The following KCTD8 variants were observed in gnomAD, a reference collection of about 807,000 sequenced individuals.
The protein encoded by KCTD8 is potassium channel tetramerization domain containing 8, also known as BTB/POZ domain-containing protein KCTD8.
Under a neutral mutation model 31.5 loss-of-function variants are expected in KCTD8, and 27 were observed. That is an observed-to-expected ratio of 0.86 (90% CI 0.63 to 1.18). The LOEUF is 1.18. KCTD8 is among the 50% of genes most tolerant of loss of function. KCTD8 has a pLI of 0.00. For missense variants in KCTD8, 658 were observed against 647.7 expected (o/e 1.02, Z -0.17); for synonymous variants, 290 against 280.0 (o/e 1.04, Z -0.36).
At chr4:44,420,227 C>T (rs1370635726) in intron 1 of KCTD8, among the ~76,000 whole-genome samples, 1 of 151,700 alleles carries the variant, frequency 6.6e-6, no homozygotes, top group African/African-American at 2.4e-5. Flanking sequence ...TCACTCAAAA[C>T]TTTAAACAAA....
chr4:44,320,061 A>T (rs1718249456), intron 1 of KCTD8, among the ~76,000 whole-genome samples: 1 of 148,500 alleles, frequency 6.7e-6, no homozygotes, highest in Non-Finnish European at 1.5e-5. Context: ...AATTCCAGGT[A>T]CTTGGGAGGC....
At position 44,295,564 on chromosome 4, in the gene KCTD8, A is replaced by G. The variant is rs192034220; in HGVS notation, c.962-120314T>C. 4.6e-5 allele frequency among the ~76,000 whole-genome samples: 7 copies of G among 152,262 alleles called. No individual in the cohort carries two copies. In the East Asian group the frequency reaches 7.7e-4, roughly 17 times the overall value. ...ATTTTATTTGTACCTGAGTATATTT[A>G]TATTTCTTTAAAATTTGATAAGTAT... is the stretch of plus-strand genomic sequence containing the variant. On this transcript the variant is annotated intron_variant, in intron 1 of 1. Coordinates refer to ENST00000360029, the MANE Select transcript of KCTD8 (RefSeq NM_198353.3).
chr4:44,415,009 CA>C, intron 1 of KCTD8, among the ~76,000 whole-genome samples: 1 of 152,198 alleles, frequency 6.6e-6, no homozygotes, highest in African/African-American at 2.4e-5. Flanking sequence ...TGCTTGTGAC[CA>C]AAATGCTGAT....
At chr4:44,403,470 A>G (rs1457265548) in intron 1 of KCTD8, among the ~76,000 whole-genome samples, 1 of 150,998 alleles carries the variant, frequency 6.6e-6, no homozygotes, top group Non-Finnish European at 1.5e-5. Context: ...AACACCAAAA[A>G]TTTAATTTCT....
intron 1 of KCTD8, among the ~76,000 whole-genome samples, chr4:44,327,084 T>C (rs185078838): frequency 5.2e-4 from 79 of 152,030 alleles, no homozygotes; most frequent in Admixed American, 1.2e-3. Flanking sequence ...AGATACAGTT[T>C]TTAATTTGTG....
chr4:44,395,101 C>G (rs895482593), intron 1 of KCTD8, among the ~76,000 whole-genome samples: 1 of 152,096 alleles, frequency 6.6e-6, no homozygotes, highest in East Asian at 1.9e-4. Context: ...CAGAAGACTT[C>G]CTCCAATGGT....
chr4:44,303,081 G>T (rs568965945), intron 1 of KCTD8, among the ~76,000 whole-genome samples: 1 of 152,228 alleles, frequency 6.6e-6, no homozygotes, highest in East Asian at 1.9e-4. Context: ...ACTTGATCAG[G>T]GTGGATAAGC....
At chr4:44,379,005 T>C (rs538584509) in intron 1 of KCTD8, among the ~76,000 whole-genome samples, 1 of 152,282 alleles carries the variant, frequency 6.6e-6, no homozygotes, top group South Asian at 2.1e-4. Context: ...CAAAGCCAGC[T>C]GCAGAGCATC....
At chr4:44,299,727 A>C (rs1358385106) in intron 1 of KCTD8, among the ~76,000 whole-genome samples, 2 of 142,778 alleles carry the variant, frequency 1.4e-5, no homozygotes, top group Non-Finnish European at 3.0e-5. Flanking sequence ...ACTCCGTCTC[A>C]AAAAAAAAAA....
chr4:44,282,868 G>A (rs947577765), intron 1 of KCTD8, among the ~76,000 whole-genome samples: 1 of 152,052 alleles, frequency 6.6e-6, no homozygotes, highest in East Asian at 1.9e-4. Flanking sequence ...AAAGTCTGAA[G>A]CTAGCAGAGT....
At chr4:44,440,687 A>AATGTGGC (rs540979898) in intron 1 of KCTD8, among the ~76,000 whole-genome samples, 51 of 152,326 alleles carry the variant, frequency 3.3e-4, no homozygotes, top group African/African-American at 1.2e-3. Flanking sequence ...TTAAGTTCTT[A>AATGTGGC]ATGTGGCCTT....
chr4:44,404,286 T>C (rs1460599048), intron 1 of KCTD8, among the ~76,000 whole-genome samples: 2 of 152,338 alleles, frequency 1.3e-5, no homozygotes, highest in African/African-American at 4.8e-5. Flanking sequence ...TTTCTGACAT[T>C]CAACTGTCCT....
intron 1 of KCTD8, among the ~76,000 whole-genome samples, chr4:44,263,257 A>G (rs1171206825): frequency 6.6e-6 from 1 of 152,196 alleles, no homozygotes; most frequent in Admixed American, 6.5e-5. Context: ...AAATCTAGGT[A>G]GATGAAGGAA....
intron 1 of KCTD8, among the ~76,000 whole-genome samples, chr4:44,397,954 A>G (rs1168498448): frequency 6.6e-6 from 1 of 152,182 alleles, no homozygotes; most frequent in East Asian, 1.9e-4. Flanking sequence ...TAAAAAAACA[A>G]ATTAAATGTA....
At chr4:44,424,065 G>C (rs764254272) in intron 1 of KCTD8, among the ~76,000 whole-genome samples, 4 of 152,030 alleles carry the variant, frequency 2.6e-5, no homozygotes, top group Non-Finnish European at 5.9e-5. Context: ...CTTTAGTCCA[G>C]CACAATGGGT....
At position 44,389,512 on chromosome 4, in the gene KCTD8, G is replaced by A. The variant is rs547839469; in HGVS notation, c.961+58051C>T. Reference sequence around the variant, plus strand: ...AGATAAATACTGTATGATTCCATATGATTCCATTCATCTACAAAGAGTAGT... The same window carrying A: ...AGATAAATACTGTATGATTCCATATAATTCCATTCATCTACAAAGAGTAGT... On this transcript the variant is annotated intron_variant, in intron 1 of 1. Transcript: ENST00000360029. Among the ~76,000 whole-genome samples the A allele has an allele frequency of 2.8e-3, 430 of 151,806 alleles. 2 individuals carry two copies. Among genetic ancestry groups the A allele is most frequent in the African/African-American group, 9.9e-3 (411 of 41,494 alleles).
chr4:44,416,100 T>G (rs190997718), intron 1 of KCTD8, among the ~76,000 whole-genome samples: 1 of 152,366 alleles, frequency 6.6e-6, no homozygotes, highest in Non-Finnish European at 1.5e-5. Context: ...GTGCCCAGAA[T>G]GCAGGACATG....
intron 1 of KCTD8, among the ~76,000 whole-genome samples, chr4:44,259,629 T>G (rs1432476801): frequency 6.6e-6 from 1 of 151,974 alleles, no homozygotes; most frequent in Non-Finnish European, 1.5e-5. Flanking sequence ...GTAAAGTAGC[T>G]TTTTGCTAAC....
intron 1 of KCTD8, among the ~76,000 whole-genome samples, chr4:44,270,058 T>C (rs199625365): frequency 1.3e-5 from 2 of 151,700 alleles, no homozygotes; most frequent in East Asian, 1.9e-4. Flanking sequence ...CCCAAAGGAC[T>C]ATAAATTATG....
Sources: gnomAD v4.1 joint callset for allele counts (sites outside exome capture counted in the v4.1 genomes callset) on GRCh38, gnomAD v4.1.1 for gene constraint, MANE v1.5 for transcripts, NCBI Gene and HGNC (gene_info 2026-07-23, HGNC 2026-07-21) for gene names.